The following BCL11B variants were observed in gnomAD, a reference collection of about 807,000 sequenced individuals.
The protein encoded by BCL11B is BCL11 transcription factor B.
BCL11B carries 8 observed loss-of-function variants against 49.9 expected under a neutral mutation model. That is an observed-to-expected ratio of 0.16 (90% CI 0.09 to 0.29). The LOEUF is 0.29. BCL11B is among the 10% of genes least tolerant of loss of function. The pLI is 1.00. For missense variants in BCL11B, 1,006 were observed against 1,351.0 expected (o/e 0.74, Z 4.00); for synonymous variants, 739 against 637.4 (o/e 1.16, Z -2.40).
intron 1 of BCL11B, among the ~76,000 whole-genome samples, chr14:99,266,655 ACTGCCGCCG>A (rs1889490753): frequency 6.6e-6 from 1 of 152,202 alleles, no homozygotes. Flanking sequence ...AGCAACGTAA[ACTGCCGCCG>A]CTGCTGATGG....
In BCL11B at chr14:99,174,643, G is replaced by A. The variant is rs745727457; in HGVS notation, c.2193C>T (p.Asp731=). The change falls in exon 4 of 4, where the codon GAC becomes GAT. Residue 731 remains aspartate (D), a synonymous_variant. Coordinates refer to ENST00000357195, the MANE Select transcript of BCL11B (RefSeq NM_138576.4). The stretch of plus-strand genomic sequence containing the variant: ...ACGTGGCGAAGGGCGACTGTCGTGC[G>A]TCCGTGAAGCCCAGGAAGGGGTCCT... ...FMKDPFLGFT[D]ARQSPFATSS... The A allele has an allele frequency of 2.5e-6, 4 of 1,575,448 alleles. No homozygotes were observed. Among genetic ancestry groups the A allele is most frequent in the Admixed American group, 1.8e-5 (1 of 56,114 alleles).
chr14:99,243,293 CT>C (rs1888723182), intron 2 of BCL11B, among the ~76,000 whole-genome samples: 1 of 152,094 alleles, frequency 6.6e-6, no homozygotes, highest in Admixed American at 6.5e-5. Context: ...AAGTGCCCCC[CT>C]CCCCACATAA....
intron 3 of BCL11B, among the ~76,000 whole-genome samples, chr14:99,206,838 TG>T (rs2139833152): frequency 6.6e-6 from 1 of 152,354 alleles, no homozygotes; most frequent in African/African-American, 2.4e-5. Context: ...TGGCATCCAC[TG>T]GGTGTCTTGG....
intron 3 of BCL11B, among the ~76,000 whole-genome samples, chr14:99,193,124 C>T (rs554767378): frequency 2.6e-5 from 4 of 152,262 alleles, no homozygotes; most frequent in African/African-American, 9.6e-5. Context: ...CAAAAGGGGC[C>T]TTCCAGGTAC....
intron 2 of BCL11B, among the ~76,000 whole-genome samples, chr14:99,250,837 AAAC>A (rs1888988000): frequency 6.8e-6 from 1 of 146,590 alleles, no homozygotes; most frequent in Non-Finnish European, 1.5e-5. Flanking sequence ...TACGTACATA[AAAC>A]AATAAATAAG....
rs889278302 is a variant in BCL11B, at chr14:99,232,288, C to T, written c.428-731G>A. On this transcript the variant is annotated intron_variant, in intron 2 of 3. Coordinates refer to ENST00000357195, the MANE Select transcript of BCL11B (RefSeq NM_138576.4). The surrounding 1 kb of genome is among the most constrained non-coding windows in gnomAD (Gnocchi z 5.1). ...GCCATGTGACAGCAAGGACACAGGG[C>T]CAGGGCCGGCCCCGCCTCTGCCCAG... 2.6e-5 allele frequency among the ~76,000 whole-genome samples: 4 copies of T among 152,098 alleles called. No homozygotes were observed. The highest frequency in any genetic ancestry group is 9.7e-5 in the African/African-American group (4 of 41,426).
intron 3 of BCL11B, among the ~76,000 whole-genome samples, chr14:99,207,702 G>A (rs1437774233): frequency 1.3e-5 from 2 of 152,202 alleles, no homozygotes; most frequent in African/African-American, 2.4e-5. Flanking sequence ...AGCTTTTCCC[G>A]GAGAGTAAAC....
intron 3 of BCL11B, among the ~76,000 whole-genome samples, chr14:99,204,633 C>G (rs1485005065): frequency 3.3e-5 from 5 of 152,184 alleles, no homozygotes; most frequent in Admixed American, 1.3e-4. Flanking sequence ...CTGGACACCT[C>G]CCAGGGGCCA....
In BCL11B at chr14:99,175,877, G is replaced by A. The variant is rs1421348944; in HGVS notation, c.959C>T (p.Pro320Leu). Residue 320 changes from proline to leucine, a missense_variant, in exon 4 of 4, where the codon CCG becomes CTG. Around this residue, in one of 6 missense-constraint regions of BCL11B, gnomAD observed 411 missense variants for 542.2 expected, o/e 0.76. Coordinates refer to ENST00000357195, the MANE Select transcript of BCL11B (RefSeq NM_138576.4). ...GTGCGGGTCCAGGTGGTGGCGCGGC[G>A]GGGGACTGAAGAGAGGCGGCGTGCC... ...LPGTPPLFSP[P>L]PRHHLDPHRL... The A allele has an allele frequency of 4.8e-6, 7 of 1,470,162 alleles. No individual in the cohort carries two copies. The highest frequency in any genetic ancestry group is 1.5e-5 in the African/African-American group (1 of 67,394). The allele number at this position is 1,470,162 out of a possible 1,614,324, so 91.1% of individuals were successfully genotyped here.
chr14:99,195,313 G>C lies in BCL11B; in HGVS notation c.641-19118C>G, dbSNP rs553674232. 2.2e-4 allele frequency among the ~76,000 whole-genome samples: 33 copies of C among 152,252 alleles called. No homozygotes were observed. The South Asian group carries it at 6.6e-3, about 31-fold the overall frequency. On this transcript the variant is annotated intron_variant, in intron 3 of 3. Coordinates refer to ENST00000357195, the MANE Select transcript of BCL11B (RefSeq NM_138576.4). This position sits in a 1 kb window ranked among gnomAD's most constrained non-coding sequence, Gnocchi z 4.7. Reference sequence around the variant, plus strand: ...CAGGGCTCCTCTGGAAGAAAAGGAAGAGAAGCTTCCCAGGGCTCTCCAGTA... The same window carrying C: ...CAGGGCTCCTCTGGAAGAAAAGGAACAGAAGCTTCCCAGGGCTCTCCAGTA...
rs184678181 is a variant in BCL11B, at chr14:99,171,749, A to G, written c.*2402T>C. The G allele has an allele frequency of 9.0e-5, 19 of 210,354 alleles. No individual in the cohort carries two copies. The East Asian group carries it at 1.4e-3, about 15-fold the overall frequency. 13.0% of individuals were successfully genotyped at this position (210,354 alleles called of 1,614,324 possible). On this transcript the variant is annotated 3_prime_UTR_variant, in exon 4 of 4. Transcript: ENST00000357195. ...TTTTTGAAATAAAAATTCAACACCCAAGGCAGAAAAAAATTTACTAAAACT... is the reference window on the plus strand; with the variant it reads ...TTTTTGAAATAAAAATTCAACACCCGAGGCAGAAAAAAATTTACTAAAACT...
chr14:99,223,512 G>T (rs1888071149), intron 3 of BCL11B, among the ~76,000 whole-genome samples: 1 of 152,174 alleles, frequency 6.6e-6, no homozygotes, highest in African/African-American at 2.4e-5. Context: ...TCCAAGAGTG[G>T]TCCAGGTGAC....
chr14:99,220,503 T>C (rs1887976523), intron 3 of BCL11B, among the ~76,000 whole-genome samples: 1 of 152,184 alleles, frequency 6.6e-6, no homozygotes. Flanking sequence ...ACAAGCACTG[T>C]ATGATTCCAC....
rs190871564 is a variant in BCL11B at position 99,176,873 on chromosome 14, C to T, written c.641-678G>A. Among the ~76,000 whole-genome samples the T allele has an allele frequency of 3.5e-3, 534 of 152,208 alleles. 2 individuals carry two copies. Among genetic ancestry groups the T allele is most frequent in the Admixed American group, 7.6e-3 (116 of 15,296 alleles). On this transcript the variant is annotated intron_variant, in intron 3 of 3. Coordinates refer to ENST00000357195, the MANE Select transcript of BCL11B (RefSeq NM_138576.4). ...CAACCAATTCTGATAATATTTGATT[C>T]CAGGGAGTTGTACAGAAACACAAAT...
intron 1 of BCL11B, among the ~76,000 whole-genome samples, chr14:99,267,657 G>A (rs987786617): frequency 2.0e-5 from 3 of 151,612 alleles, no homozygotes; most frequent in African/African-American, 7.3e-5. Context: ...CTCTACCCTG[G>A]GGAGTTAAGA....
Position 99,169,924 on chromosome 14 carries a change from G to A in BCL11B, c.*4227C>T, listed in dbSNP as rs980452596. On this transcript the variant is annotated 3_prime_UTR_variant, in exon 4 of 4. Transcript: ENST00000357195. The stretch of plus-strand genomic sequence containing the variant: ...ACTTTGAACAAAGTTGTGGCAGTGC[G>A]GAAACCGGCCTGAGGTCGGCTGGGT... 11 of 229,936 alleles carry A rather than the reference G, an allele frequency of 4.8e-5. No individual in the cohort carries two copies. Among genetic ancestry groups the A allele is most frequent in the African/African-American group, 1.3e-4 (6 of 45,084 alleles). 14.2% of individuals were successfully genotyped at this position (229,936 alleles called of 1,614,324 possible).
intron 3 of BCL11B, among the ~76,000 whole-genome samples, chr14:99,200,245 A>C (rs1201025086): frequency 6.6e-6 from 1 of 152,210 alleles, no homozygotes; most frequent in Non-Finnish European, 1.5e-5. Flanking sequence ...GTCCTGGTGC[A>C]GGAGCACAGG....
chr14:99,240,158 G>T (rs190282502), intron 2 of BCL11B, among the ~76,000 whole-genome samples: 1 of 152,154 alleles, frequency 6.6e-6, no homozygotes, highest in East Asian at 1.9e-4. Flanking sequence ...AATAAATTTG[G>T]TTAGTAGAAG....
chr14:99,197,906 C>T (rs1404536594), intron 3 of BCL11B, among the ~76,000 whole-genome samples: 3 of 152,140 alleles, frequency 2.0e-5, no homozygotes, highest in Non-Finnish European at 2.9e-5. Flanking sequence ...AATTTGAAGC[C>T]GCAAGCCAGG....
Sources: allele counts gnomAD v4.1 joint callset (sites outside exome capture counted in the v4.1 genomes callset), GRCh38; gene constraint gnomAD v4.1.1; regional missense constraint gnomAD v4.1.1; non-coding constraint Gnocchi (gnomAD v3.1); transcripts MANE v1.5; gene names NCBI Gene and HGNC (gene_info 2026-07-23, HGNC 2026-07-21).